SLC15A5: variants seen among roughly 807,000 people sequenced by gnomAD.
SLC15A5 encodes the protein Peptide/histidine transporter ENSP00000340402.
In SLC15A5, 58 loss-of-function variants were observed where a neutral mutation model predicts 56.1. The observed-to-expected ratio is 1.03, with a 90% CI of 0.84 to 1.29. SLC15A5 has a LOEUF of 1.29. Ranked by LOEUF, SLC15A5 falls within the 50% of genes most tolerant of loss-of-function variation. The probability of loss-of-function intolerance (pLI) is 0.00; values close to 1 mark genes in which losing one functional copy is unlikely to be tolerated. For synonymous variants in SLC15A5, 264 were observed against 250.5 expected, an observed-to-expected ratio of 1.05 and a Z score of -0.51; for missense variants, 681 against 672.1, an observed-to-expected ratio of 1.01 and a Z score of -0.15.
intron 5 of SLC15A5, among the ~76,000 whole-genome samples, chr12:16,236,144 T>C (rs1026738205): frequency 2.0e-5 from 3 of 152,172 alleles, no homozygotes; most frequent in African/African-American, 7.2e-5. Context: ...TTAATACTTG[T>C]GTGTGTCAGC....
intron 7 of SLC15A5, among the ~76,000 whole-genome samples, chr12:16,199,082 C>T (rs1863924185): frequency 6.6e-6 from 1 of 151,950 alleles, no homozygotes; most frequent in South Asian, 2.1e-4. Context: ...CCTGCTAGCT[C>T]TCAACATTAT....
In SLC15A5 at chr12:16,232,682, G is replaced by A. The variant is rs543616445; in HGVS notation, c.1162+6999C>T. Among the ~76,000 whole-genome samples, 106 of 152,260 alleles carry A rather than the reference G, an allele frequency of 7.0e-4. 1 individual carries two copies. Among genetic ancestry groups the A allele is most frequent in the South Asian group, 3.9e-3 (19 of 4,822 alleles). On this transcript the variant is annotated intron_variant, in intron 5 of 8. Coordinates refer to ENST00000344941, the MANE Select transcript of SLC15A5 (RefSeq NM_001170798.1). ...TGTAATCCCAGCACTTTGGGAGGCC[G>A]AGGTGGGAGGATCACTTGAGGCCAG...
At chr12:16,230,583 GAA>G (rs1197321684) in intron 5 of SLC15A5, among the ~76,000 whole-genome samples, 1 of 152,080 alleles carries the variant, frequency 6.6e-6, no homozygotes, top group Non-Finnish European at 1.5e-5. Context: ...TACACCCAGA[GAA>G]TAAGGCACTT....
rs1331300456 is a variant in SLC15A5 at position 16,271,516 on chromosome 12, A to G, written c.584+1045T>C. ...GCATTGTTCTCTGACATTAGGACTT[A>G]ATCCAAAATAGGGCTGAGTGCTTTG... On this transcript the variant is annotated intron_variant, in intron 2 of 8. Transcript: ENST00000344941. The surrounding 1 kb of genome is among the most constrained non-coding windows in gnomAD (Gnocchi z 8.0). Among the ~76,000 whole-genome samples, 1 of 152,150 alleles carries G rather than the reference A, an allele frequency of 6.6e-6. No individual in the cohort carries two copies. The highest frequency in any genetic ancestry group is 2.4e-5 in the African/African-American group (1 of 41,440).
chr12:16,248,771 T>A (rs17434056), intron 3 of SLC15A5, among the ~76,000 whole-genome samples: 26,005 of 151,974 alleles, frequency 0.17, 2,478 homozygotes, highest in Middle Eastern at 0.21. Flanking sequence ...AAAAGTCCAT[T>A]ATCATTACAG....
Position 16,211,563 on chromosome 12 carries a change from T to A in SLC15A5, c.1483+5330A>T, listed in dbSNP as rs192920841. On this transcript the variant is annotated intron_variant, in intron 7 of 8. Coordinates refer to ENST00000344941, the MANE Select transcript of SLC15A5 (RefSeq NM_001170798.1). ...CGCCTGCATGTCCATAACTAAGATG[T>A]CATTTTTTACTGAATTCTGTTTTGC... Among the ~76,000 whole-genome samples, 115 of 152,286 alleles carry A rather than the reference T, an allele frequency of 7.6e-4. 1 individual carries two copies. The highest frequency in any genetic ancestry group is 2.7e-3 in the African/African-American group (112 of 41,572).
At chr12:16,276,633 G>T (rs978984485) in intron 1 of SLC15A5, among the ~76,000 whole-genome samples, 1 of 151,964 alleles carries the variant, frequency 6.6e-6, no homozygotes, top group Non-Finnish European at 1.5e-5. Flanking sequence ...TGCTTAAGAA[G>T]AATAACTTGA....
Position 16,188,902 on chromosome 12 carries a change from T to A in SLC15A5, c.*766A>T, listed in dbSNP as rs1262383879. 1 of 152,254 alleles carries A rather than the reference T, an allele frequency of 6.6e-6. No homozygotes were observed. Among genetic ancestry groups the A allele is most frequent in the Non-Finnish European group, 1.5e-5 (1 of 68,054 alleles). 9.4% of individuals were successfully genotyped at this position (152,254 alleles called of 1,614,324 possible). ...AGATAATTTTCTGAATGCATCTGAA[T>A]TGGCAGTGGAGACCGAAAGATGTTA... On this transcript the variant is annotated 3_prime_UTR_variant, in exon 9 of 9. Coordinates refer to ENST00000344941, the MANE Select transcript of SLC15A5 (RefSeq NM_001170798.1).
intron 3 of SLC15A5, among the ~76,000 whole-genome samples, chr12:16,252,480 C>T (rs980663113): frequency 6.6e-6 from 1 of 151,998 alleles, no homozygotes; most frequent in African/African-American, 2.4e-5. Context: ...AAGATCAGCA[C>T]TCAAAAATCA....
chr12:16,261,693 A>C (rs1222726732), intron 2 of SLC15A5, among the ~76,000 whole-genome samples: 1 of 152,212 alleles, frequency 6.6e-6, no homozygotes, highest in African/African-American at 2.4e-5. Context: ...TTATCACAAC[A>C]TGTGTATGAG....
At position 16,189,059 on chromosome 12, in the gene SLC15A5, A is replaced by C. The variant is rs867073089; in HGVS notation, c.*609T>G. On this transcript the variant is annotated 3_prime_UTR_variant, in exon 9 of 9. Transcript: ENST00000344941. ...TTCCATAACTTACATTTATTTTTCAACTTTTTTAGTATGCGGACATTCTCT... is the reference window on the plus strand; with the variant it reads ...TTCCATAACTTACATTTATTTTTCACCTTTTTTAGTATGCGGACATTCTCT... 4 of 151,924 alleles carry C rather than the reference A, an allele frequency of 2.6e-5. No homozygotes were observed. Among genetic ancestry groups the C allele is most frequent in the Non-Finnish European group, 2.9e-5 (2 of 67,990 alleles). 9.4% of individuals were successfully genotyped at this position (151,924 alleles called of 1,614,324 possible). A position where few individuals can be genotyped will look rare whatever the true frequency, so the allele number is the denominator to read the frequency against.
rs1864437288 is a variant in SLC15A5, at chr12:16,243,964, C to T, written c.975+616G>A. Among the ~76,000 whole-genome samples the T allele has an allele frequency of 6.6e-6, 1 of 152,056 alleles. No individual in the cohort carries two copies. Among genetic ancestry groups the T allele is most frequent in the African/African-American group, 2.4e-5 (1 of 41,394 alleles). Reference sequence around the variant, plus strand: ...AATACTTTTGTAATCATTTATTTTTCTCAGTAAATAAGTTAGTCTTTAACT... The same window carrying T: ...AATACTTTTGTAATCATTTATTTTTTTCAGTAAATAAGTTAGTCTTTAACT... On this transcript the variant is annotated intron_variant, in intron 4 of 8. Transcript: ENST00000344941. This position sits in a 1 kb window ranked among gnomAD's most constrained non-coding sequence, Gnocchi z 4.4.
rs993188670 is a variant in SLC15A5, at chr12:16,222,145, C to T, written c.1351+2269G>A. On this transcript the variant is annotated intron_variant, in intron 6 of 8. Transcript: ENST00000344941. ...CTAATTATTGAATGCTGTCTATATA[C>T]GGGGCACTGCGGTTTTTGCTTTACA... 2.6e-5 allele frequency among the ~76,000 whole-genome samples: 4 copies of T among 152,218 alleles called. No homozygotes were observed. The East Asian group carries it at 5.8e-4, about 22-fold the overall frequency.
intron 4 of SLC15A5, among the ~76,000 whole-genome samples, chr12:16,242,191 G>A (rs1470499435): frequency 6.6e-6 from 1 of 152,038 alleles, no homozygotes; most frequent in Non-Finnish European, 1.5e-5. Context: ...TTTATTCTTG[G>A]TACTTTGATT....
chr12:16,190,051 C>G (rs978140386), intron 8 of SLC15A5, among the ~76,000 whole-genome samples: 6 of 152,142 alleles, frequency 3.9e-5, no homozygotes, highest in Non-Finnish European at 8.8e-5. Context: ...TTTTAACAAC[C>G]TGCTACGCTG....
chr12:16,191,128 A>C (rs924371811), intron 8 of SLC15A5, among the ~76,000 whole-genome samples: 1 of 152,044 alleles, frequency 6.6e-6, no homozygotes, highest in Non-Finnish European at 1.5e-5. Context: ...TTCAAATTTG[A>C]TTGTGGAGGG....
chr12:16,248,952 A>C (rs1864491370), intron 3 of SLC15A5, among the ~76,000 whole-genome samples: 1 of 152,094 alleles, frequency 6.6e-6, no homozygotes, highest in Admixed American at 6.6e-5. Context: ...TTTATTGCAA[A>C]ACTTAAAGAT....
At chr12:16,214,083 A>G (rs1864108018) in intron 7 of SLC15A5, among the ~76,000 whole-genome samples, 1 of 152,228 alleles carries the variant, frequency 6.6e-6, no homozygotes, top group Admixed American at 6.5e-5. Flanking sequence ...TGTGATGACT[A>G]GAGAACTTGA....
Position 16,224,551 on chromosome 12 carries a change from T to G in SLC15A5, c.1214A>C (p.Glu405Ala), listed in dbSNP as rs1294784628. The change falls in exon 6 of 9, where the codon GAA (glutamate) becomes GCA (alanine). Residue 405 changes from glutamate to alanine, a missense_variant. Glu to Ala is a moderately radical substitution (Grantham distance 107). Transcript: ENST00000344941. The part of the protein sequence containing the change: ...ALSVMIAGFF[E>A]IHRKHFPAVE... ...TGCAGGGAAATGTTTTCGGTGTATT[T>G]CAAAGAAGCCAGCTATCATCACAGA... is the stretch of plus-strand genomic sequence containing the variant. The G allele has an allele frequency of 6.5e-7, 1 of 1,537,006 alleles. No homozygotes were observed. Among genetic ancestry groups the G allele is most frequent in the Admixed American group, 2.0e-5 (1 of 50,968 alleles).
Sources: allele counts gnomAD v4.1 joint callset (sites outside exome capture counted in the v4.1 genomes callset), GRCh38; gene constraint gnomAD v4.1.1; non-coding constraint Gnocchi (gnomAD v3.1); transcripts MANE v1.5; gene names NCBI Gene and HGNC (gene_info 2026-07-23, HGNC 2026-07-21).